Variants in FGF12 observed in about 807,000 individuals in gnomAD.
The protein encoded by FGF12 is fibroblast growth factor 12.
In FGF12, 14 loss-of-function variants were observed where a neutral mutation model predicts 23.6. The ratio of observed to expected loss-of-function variants is 0.59; its 90% CI spans 0.39 to 0.93. FGF12 has a LOEUF of 0.93. FGF12 is among the 40% of genes least tolerant of loss of function. The pLI is 0.00. For missense variants in FGF12, 175 were observed against 217.8 expected, an observed-to-expected ratio of 0.80 and a Z score of 1.24; for synonymous variants, 62 against 77.3, an observed-to-expected ratio of 0.80 and a Z score of 1.04.
At position 192,645,540 on chromosome 3, in the gene FGF12, C is replaced by A. The variant is rs77625569; in HGVS notation, c.13+81641G>T. 2.2e-3 allele frequency among the ~76,000 whole-genome samples: 328 copies of A among 152,084 alleles called. 2 individuals carry two copies. The highest frequency in any genetic ancestry group is 7.8e-3 in the African/African-American group (322 of 41,494). On this transcript the variant is annotated intron_variant, in intron 2 of 5. Transcript: ENST00000445105. ...AAAGATAATGAGTCCAGTTTCAGAA[C>A]TGCTGACTTCGGTGTACATGTGGAA... is the stretch of plus-strand genomic sequence containing the variant.
intron 4 of FGF12, among the ~76,000 whole-genome samples, chr3:192,246,097 G>A (rs542491069): frequency 1.2e-4 from 18 of 152,070 alleles, no homozygotes; most frequent in African/African-American, 2.4e-4. Context: ...AACATTTACC[G>A]GAAATAATAG....
Position 192,282,680 on chromosome 3 carries a change from G to GAT in FGF12, c.228+52679_228+52680dup, listed in dbSNP as rs773646972. On this transcript the variant is annotated intron_variant, in intron 4 of 5. Transcript: ENST00000445105. ...ATATTTATCTGATATATGTATATTAGATATATATATGTATATATTAGAGAG... is the reference window on the plus strand; with the variant it reads ...ATATTTATCTGATATATGTATATTAGATATATATATATGTATATATTAGAGAG... The GAT allele has an allele frequency of 7.0e-4, 107 of 151,792 alleles. 4 individuals are homozygous for GAT. The highest frequency in any genetic ancestry group is 1.9e-4 in the East Asian group (1 of 5,184). The allele number at this position is 151,792 out of a possible 1,614,324, so 9.4% of individuals were successfully genotyped here. A position where few individuals can be genotyped will look rare whatever the true frequency, so the allele number is the denominator to read the frequency against.
intron 2 of FGF12, among the ~76,000 whole-genome samples, chr3:192,711,691 G>A (rs991035846): frequency 4.6e-5 from 7 of 152,086 alleles, no homozygotes; most frequent in Non-Finnish European, 1.0e-4. Flanking sequence ...TCCACTCAGG[G>A]TTAAATGGAT....
chr3:192,566,873 G>A (rs1357193430), intron 2 of FGF12, among the ~76,000 whole-genome samples: 2 of 152,122 alleles, frequency 1.3e-5, no homozygotes, highest in Non-Finnish European at 2.9e-5. Flanking sequence ...AAGGCCACAC[G>A]ATGGCAGCAA....
intron 2 of FGF12, among the ~76,000 whole-genome samples, chr3:192,371,105 T>C (rs1333291846): frequency 6.6e-6 from 1 of 152,196 alleles, no homozygotes; most frequent in African/African-American, 2.4e-5. Flanking sequence ...GGAATGAACA[T>C]GGCTTTCCAG....
At chr3:192,273,084 T>A (rs148484864) in intron 4 of FGF12, among the ~76,000 whole-genome samples, 69 of 152,294 alleles carry the variant, frequency 4.5e-4, no homozygotes, top group Non-Finnish European at 8.8e-4. Context: ...GGCAAGTTAG[T>A]TTTATCACTT....
intron 2 of FGF12, among the ~76,000 whole-genome samples, chr3:192,451,241 G>A (rs1447029123): frequency 6.6e-6 from 1 of 152,198 alleles, no homozygotes; most frequent in East Asian, 1.9e-4. Context: ...GGTTAACTCA[G>A]TAGGTATAAA....
chr3:192,513,177 G>A (rs1724546467), intron 2 of FGF12, among the ~76,000 whole-genome samples: 1 of 151,896 alleles, frequency 6.6e-6, no homozygotes, highest in Admixed American at 6.6e-5. Context: ...TATATTTACT[G>A]TGGACCAGGA....
chr3:192,479,222 G>A (rs1453801995), intron 2 of FGF12, among the ~76,000 whole-genome samples: 1 of 152,142 alleles, frequency 6.6e-6, no homozygotes, highest in Non-Finnish European at 1.5e-5. Flanking sequence ...AAGGCCACAG[G>A]AGACTATATC....
At chr3:192,331,020 A>G (rs542701091) in intron 4 of FGF12, among the ~76,000 whole-genome samples, 26 of 152,264 alleles carry the variant, frequency 1.7e-4, no homozygotes, top group Admixed American at 1.1e-3. Context: ...CAACAACAAC[A>G]CAAAACAACT....
chr3:192,244,070 G>A (rs1452957449), intron 4 of FGF12, among the ~76,000 whole-genome samples: 1 of 152,040 alleles, frequency 6.6e-6, no homozygotes, highest in Non-Finnish European at 1.5e-5. Flanking sequence ...AACTCACTGT[G>A]CTAGTGAAAG....
intron 2 of FGF12, among the ~76,000 whole-genome samples, chr3:192,647,703 G>GTA (rs34697057): frequency 0.023 from 3,374 of 145,706 alleles, 48 homozygotes; most frequent in Middle Eastern, 0.058. Flanking sequence ...GTATATATGT[G>GTA]TATATATACA....
chr3:192,638,659 T>A (rs1715674237), intron 2 of FGF12, among the ~76,000 whole-genome samples: 2 of 152,252 alleles, frequency 1.3e-5, no homozygotes, highest in South Asian at 4.1e-4. Context: ...ATTTGAAAGT[T>A]CTTTAGAAGC....
intron 4 of FGF12, among the ~76,000 whole-genome samples, chr3:192,321,066 C>A (rs915143646): frequency 1.3e-5 from 2 of 151,848 alleles, no homozygotes; most frequent in Non-Finnish European, 2.9e-5. Context: ...TTAAGCCAGA[C>A]CAATGAACAA....
intron 2 of FGF12, among the ~76,000 whole-genome samples, chr3:192,393,741 A>G (rs1720403782): frequency 6.6e-6 from 1 of 152,220 alleles, no homozygotes; most frequent in Admixed American, 6.5e-5. Flanking sequence ...TTTTAATCAT[A>G]TCCTTCCTTA....
At chr3:192,677,379 G>A (rs967743417) in intron 2 of FGF12, among the ~76,000 whole-genome samples, 2 of 152,184 alleles carry the variant, frequency 1.3e-5, no homozygotes, top group Non-Finnish European at 2.9e-5. Context: ...AAAAACTCCT[G>A]AGGTTGTGTC....
chr3:192,333,116 C>T (rs1278764485), intron 4 of FGF12, among the ~76,000 whole-genome samples: 1 of 152,078 alleles, frequency 6.6e-6, no homozygotes, highest in Non-Finnish European at 1.5e-5. Context: ...AGGAATGCAT[C>T]TCTGAAAAGC....
chr3:192,288,679 C>T (rs1714594482), intron 4 of FGF12, among the ~76,000 whole-genome samples: 1 of 151,990 alleles, frequency 6.6e-6, no homozygotes, highest in South Asian at 2.1e-4. Flanking sequence ...AGCAATGGAG[C>T]TCAAACTAAT....
chr3:192,433,248 C>A (rs1721920070), intron 2 of FGF12, among the ~76,000 whole-genome samples: 1 of 152,176 alleles, frequency 6.6e-6, no homozygotes, highest in Non-Finnish European at 1.5e-5. Flanking sequence ...TGGGAGTAAT[C>A]TTCTCCTGAT....
Sources: gnomAD v4.1 joint callset for allele counts (sites outside exome capture counted in the v4.1 genomes callset) on GRCh38, gnomAD v4.1.1 for gene constraint, MANE v1.5 for transcripts, NCBI Gene and HGNC (gene_info 2026-07-23, HGNC 2026-07-21) for gene names.